The following PHACTR1 variants were observed in gnomAD, a reference collection of about 807,000 sequenced individuals.
PHACTR1 encodes the protein RPEL repeat containing 1.
In PHACTR1, 16 loss-of-function variants were observed where a neutral mutation model predicts 69.2. That is an observed-to-expected ratio of 0.23 (90% CI 0.16 to 0.35). The LOEUF is 0.35. Among genes scored for constraint, PHACTR1 ranks in the 10% least tolerant of loss-of-function variants. The probability of loss-of-function intolerance (pLI) is 1.00; values close to 1 mark genes in which losing one functional copy is unlikely to be tolerated. For synonymous variants in PHACTR1, 312 were observed against 284.5 expected, an observed-to-expected ratio of 1.10 and a Z score of -0.97; for missense variants, 510 against 734.7, an observed-to-expected ratio of 0.69 and a Z score of 3.54.
intron 4 of PHACTR1, among the ~76,000 whole-genome samples, chr6:12,796,547 C>T (rs978786957): frequency 2.6e-5 from 4 of 152,152 alleles, no homozygotes; most frequent in Non-Finnish European, 2.9e-5. Flanking sequence ...TAATTGATAA[C>T]CAATTTGATT....
chr6:13,274,538 T>A (rs1778485217), intron 11 of PHACTR1: 1 of 152,234 alleles, frequency 6.6e-6, no homozygotes, highest in Non-Finnish European at 1.5e-5. Context: ...TTGTGGCCTC[T>A]GACCTGAGAC....
chr6:13,228,519 G>A (rs1770201263), intron 9 of PHACTR1, among the ~76,000 whole-genome samples: 1 of 152,198 alleles, frequency 6.6e-6, no homozygotes, highest in Admixed American at 6.5e-5. Context: ...ACCTTTAAAT[G>A]TGCTAAGAGA....
At chr6:12,798,039 G>GACACACACACAC (rs10529531) in intron 4 of PHACTR1, among the ~76,000 whole-genome samples, 14,039 of 137,588 alleles carry the variant, frequency 0.1, 905 homozygotes, top group Non-Finnish European at 0.13. Flanking sequence ...TCATTTCCTA[G>GACACACACACAC]ACACACACAC....
At chr6:12,744,486 A>C (rs1765510100) in intron 3 of PHACTR1, among the ~76,000 whole-genome samples, 1 of 152,214 alleles carries the variant, frequency 6.6e-6, no homozygotes, top group Admixed American at 6.5e-5. Flanking sequence ...CCTTGACTCC[A>C]AAATCGGCCA....
intron 5 of PHACTR1, among the ~76,000 whole-genome samples, chr6:13,078,854 A>G (rs1157423716): frequency 1.3e-5 from 2 of 152,222 alleles, no homozygotes; most frequent in Non-Finnish European, 2.9e-5. Context: ...CAAAAACCTG[A>G]GCTGTGGGTA....
At chr6:13,131,208 T>TACACATACACACACACACAC (rs67522119) in intron 5 of PHACTR1, among the ~76,000 whole-genome samples, 1 of 146,374 alleles carries the variant, frequency 6.8e-6, no homozygotes, top group African/African-American at 2.6e-5. Context: ...TATATACACA[T>TACACATACACACACACACAC]ACACACACAC....
At chr6:13,208,629 C>A (rs768172789) in intron 8 of PHACTR1, among the ~76,000 whole-genome samples, 1 of 140,640 alleles carries the variant, frequency 7.1e-6, no homozygotes, top group East Asian at 2.1e-4. Flanking sequence ...TCATTGCTGC[C>A]CACCCCCCCA....
intron 4 of PHACTR1, among the ~76,000 whole-genome samples, chr6:12,980,875 C>G (rs1231610348): frequency 6.6e-6 from 1 of 152,234 alleles, no homozygotes; most frequent in Non-Finnish European, 1.5e-5. Flanking sequence ...TCTGCCTACA[C>G]GATGTCTTTA....
chr6:12,770,611 T>C (rs17678734), intron 4 of PHACTR1, among the ~76,000 whole-genome samples: 10,666 of 152,288 alleles, frequency 0.07, 469 homozygotes, highest in Admixed American at 0.1. Flanking sequence ...GTCCCCCTGG[T>C]TCACAAGATT....
At chr6:12,976,063 G>A (rs996594181) in intron 4 of PHACTR1, among the ~76,000 whole-genome samples, 4 of 152,094 alleles carry the variant, frequency 2.6e-5, no homozygotes, top group African/African-American at 9.7e-5. Flanking sequence ...AACTCAACTT[G>A]CCAACATCTA....
chr6:12,939,346 C>T (rs776885602), intron 4 of PHACTR1, among the ~76,000 whole-genome samples: 2 of 152,120 alleles, frequency 1.3e-5, no homozygotes, highest in Non-Finnish European at 2.9e-5. Context: ...AAAACTTGAA[C>T]AATCAACAAG....
At chr6:13,033,150 G>C (rs570138933) in intron 4 of PHACTR1, among the ~76,000 whole-genome samples, 3 of 152,274 alleles carry the variant, frequency 2.0e-5, no homozygotes, top group Admixed American at 6.5e-5. Context: ...ACGCCAGCCA[G>C]ACCCCCCAAA....
chr6:12,994,582 A>T (rs1315173594), intron 4 of PHACTR1, among the ~76,000 whole-genome samples: 1 of 152,210 alleles, frequency 6.6e-6, no homozygotes, highest in Non-Finnish European at 1.5e-5. Flanking sequence ...CATTTTTAAC[A>T]AAATTGAAAT....
intron 10 of PHACTR1, among the ~76,000 whole-genome samples, chr6:13,231,060 G>GAAGT (rs2127335444): frequency 7.5e-4 from 1 of 1,332 alleles, no homozygotes; most frequent in Non-Finnish European, 2.0e-3. Context: ...AGGAAGGAAG[G>GAAGT]AAGGAAGGAA....
intron 10 of PHACTR1, chr6:13,267,838 GAAAAAAAA>G (rs558900640): frequency 8.9e-5 from 9 of 101,058 alleles, no homozygotes; most frequent in African/African-American, 3.6e-4. Flanking sequence ...GGAATGATCT[GAAAAAAAA>G]AAAAAAAAAA....
rs1169666222 is a variant in PHACTR1, at chr6:12,872,304, GA to G, written c.250+122522del. ...AACTAAAAACTAGAAGTAGAAGAATGAAAAAAAATAAACTTGGAAAATGTTA... is the reference window on the plus strand; with the variant it reads ...AACTAAAAACTAGAAGTAGAAGAATGAAAAAAATAAACTTGGAAAATGTTA... On this transcript the variant is annotated intron_variant, in intron 4 of 14. Coordinates refer to ENST00000332995, the MANE Select transcript of PHACTR1 (RefSeq NM_030948.6). Among the ~76,000 whole-genome samples, 4 of 151,836 alleles carry G rather than the reference GA, an allele frequency of 2.6e-5. No individual in the cohort carries two copies. The South Asian group carries it at 6.2e-4, about 24-fold the overall frequency.
At chr6:12,937,740 T>A (rs530072068) in intron 4 of PHACTR1, among the ~76,000 whole-genome samples, 156 of 152,320 alleles carry the variant, frequency 1.0e-3, no homozygotes, top group African/African-American at 3.5e-3. Context: ...AATTGCTTTA[T>A]GTTAATATTC....
At chr6:13,231,099 G>GAAA (rs1562037365) in intron 10 of PHACTR1, among the ~76,000 whole-genome samples, 2,827 of 79,838 alleles carry the variant, frequency 0.035, 543 homozygotes, top group Middle Eastern at 0.06. Flanking sequence ...AGGAAGGAAG[G>GAAA]GAAAAGAAAG....
chr6:13,090,426 C>T (rs749403604), intron 5 of PHACTR1, among the ~76,000 whole-genome samples: 1 of 148,206 alleles, frequency 6.7e-6, no homozygotes, highest in Admixed American at 6.8e-5. Context: ...CCCAGGTTCA[C>T]GCCATTCTCC....
Sources: allele counts gnomAD v4.1 joint callset (sites outside exome capture counted in the v4.1 genomes callset), GRCh38; gene constraint gnomAD v4.1.1; transcripts MANE v1.5; gene names NCBI Gene and HGNC (gene_info 2026-07-23, HGNC 2026-07-21).